The following NUP93 variants were observed in gnomAD, a reference collection of about 807,000 sequenced individuals.
NUP93 encodes nucleoporin 93.
Under a neutral mutation model 107.8 loss-of-function variants are expected in NUP93, and 55 were observed. The ratio of observed to expected loss-of-function variants is 0.51; its 90% CI spans 0.41 to 0.64. The LOEUF (loss-of-function observed/expected upper bound fraction) is 0.64, where lower values mean the gene tolerates loss of function less well. NUP93 is among the 30% of genes least tolerant of loss of function. The pLI, the probability that NUP93 is intolerant of heterozygous loss-of-function variation, is 0.00. For synonymous variants in NUP93, 390 were observed against 397.5 expected (o/e 0.98, Z 0.22); for missense variants, 937 against 1,044.7 (o/e 0.90, Z 1.42).
At chr16:56,797,893 T>C (rs1962935299) in intron 3 of NUP93, among the ~76,000 whole-genome samples, 1 of 152,210 alleles carries the variant, frequency 6.6e-6, no homozygotes, top group South Asian at 2.1e-4. Flanking sequence ...ACTAGACTTG[T>C]AGGCTGTCTT....
At chr16:56,740,105 C>T (rs1484668232) in intron 1 of NUP93, among the ~76,000 whole-genome samples, 33 of 97,468 alleles carry the variant, frequency 3.4e-4, no homozygotes, top group Middle Eastern at 5.9e-3. Context: ...CCGGACGGGG[C>T]GGCTGGCCAG....
chr16:56,818,404 A>C (rs1218578766), intron 5 of NUP93, among the ~76,000 whole-genome samples: 1 of 152,216 alleles, frequency 6.6e-6, no homozygotes, highest in African/African-American at 2.4e-5. Flanking sequence ...AGAAAAAGTC[A>C]TTGAGGTATT....
intron 2 of NUP93, among the ~76,000 whole-genome samples, chr16:56,752,908 C>G (rs1166486715): frequency 6.6e-6 from 1 of 152,124 alleles, no homozygotes; most frequent in African/African-American, 2.4e-5. Context: ...GTGAAAAGAA[C>G]AGTCTTTTCA....
chr16:56,783,822 T>C, intron 3 of NUP93: 15 of 985,406 alleles, frequency 1.5e-5, no homozygotes, highest in Non-Finnish European at 1.8e-5. Flanking sequence ...AAGAGTTCTT[T>C]AGGAAGGTGG....
chr16:56,806,380 C>T (rs1364365915), intron 5 of NUP93, among the ~76,000 whole-genome samples: 4 of 152,076 alleles, frequency 2.6e-5, no homozygotes, highest in African/African-American at 9.7e-5. Context: ...TCATCTCTTG[C>T]TTGGATTATT....
At chr16:56,778,175 G>A (rs1377290124) in intron 3 of NUP93, among the ~76,000 whole-genome samples, 2 of 152,204 alleles carry the variant, frequency 1.3e-5, no homozygotes, top group Non-Finnish European at 2.9e-5. Context: ...GGTTAATAAC[G>A]AATGAATTCT....
At chr16:56,840,279 C>G (rs1335408995) in intron 20 of NUP93, among the ~76,000 whole-genome samples, 1 of 152,202 alleles carries the variant, frequency 6.6e-6, no homozygotes, top group African/African-American at 2.4e-5. Context: ...CTCGGCCTCC[C>G]AAAATGCTGG....
intron 4 of NUP93, among the ~76,000 whole-genome samples, chr16:56,799,235 T>G (rs1962967620): frequency 6.6e-6 from 1 of 152,176 alleles, no homozygotes; most frequent in Non-Finnish European, 1.5e-5. Flanking sequence ...GTGGACCACC[T>G]TTTATATTAA....
At chr16:56,756,971 G>A (rs1962036221) in intron 2 of NUP93, among the ~76,000 whole-genome samples, 1 of 152,130 alleles carries the variant, frequency 6.6e-6, no homozygotes, top group Non-Finnish European at 1.5e-5. Context: ...CTCTTTTAGA[G>A]AGTTAACTTT....
intron 3 of NUP93, among the ~76,000 whole-genome samples, chr16:56,792,843 T>C (rs1248942223): frequency 6.6e-6 from 1 of 152,190 alleles, no homozygotes; most frequent in Non-Finnish European, 1.5e-5. Context: ...TTTTTTTTTA[T>C]TTTTGCTGTT....
chr16:56,815,767 C>G (rs553742910), intron 5 of NUP93, among the ~76,000 whole-genome samples: 7 of 152,130 alleles, frequency 4.6e-5, no homozygotes, highest in Non-Finnish European at 1.0e-4. Context: ...ATTACCACCC[C>G]CACTTTACAG....
At chr16:56,789,793 AT>A (rs1286832149) in intron 3 of NUP93, among the ~76,000 whole-genome samples, 23 of 152,230 alleles carry the variant, frequency 1.5e-4, no homozygotes, top group Non-Finnish European at 3.4e-4. Context: ...AAGTATTAAA[AT>A]TTTTGTAGAA....
At chr16:56,797,990 A>G (rs1197947977) in intron 3 of NUP93, among the ~76,000 whole-genome samples, 1 of 152,252 alleles carries the variant, frequency 6.6e-6, no homozygotes, top group Non-Finnish European at 1.5e-5. Flanking sequence ...AGAAATGTGT[A>G]AAGAAAGGAT....
intron 3 of NUP93, among the ~76,000 whole-genome samples, chr16:56,795,022 A>G (rs1174834785): frequency 6.6e-6 from 1 of 151,288 alleles, no homozygotes; most frequent in African/African-American, 2.4e-5. Context: ...AAGGAATATG[A>G]CAGAACACCA....
At chr16:56,732,529 G>C (rs1186124133) in intron 1 of NUP93, among the ~76,000 whole-genome samples, 4 of 152,226 alleles carry the variant, frequency 2.6e-5, no homozygotes, top group Admixed American at 2.6e-4. Flanking sequence ...CAGGTCATGG[G>C]ACTATCTGAG....
chr16:56,839,440 G>A (rs541229128), intron 19 of NUP93, 81 bp from the exon 20 acceptor site: 436 of 1,100,928 alleles, frequency 4.0e-4, no homozygotes, highest in Non-Finnish European at 5.3e-4. Flanking sequence ...TTTGGAGTAT[G>A]TGAGGTGCTG....
chr16:56,776,381 A>G (rs1043661967), intron 3 of NUP93, among the ~76,000 whole-genome samples: 4 of 152,224 alleles, frequency 2.6e-5, no homozygotes, highest in African/African-American at 9.6e-5. Context: ...TGCAAAAACT[A>G]TATAAAAATT....
chr16:56,830,042 T>G (rs937366674), intron 9 of NUP93, among the ~76,000 whole-genome samples: 1 of 152,226 alleles, frequency 6.6e-6, no homozygotes, highest in African/African-American at 2.4e-5. Context: ...AGATCCCCAG[T>G]GCCCAGCAGT....
At chr16:56,782,761 T>G (rs1253380993) in intron 3 of NUP93, 1 of 152,154 alleles carries the variant, frequency 6.6e-6, no homozygotes, top group African/African-American at 2.4e-5. Context: ...TATTAGAGAT[T>G]TTTTTGAACT....
Sources: allele counts gnomAD v4.1 joint callset (sites outside exome capture counted in the v4.1 genomes callset), GRCh38; gene constraint gnomAD v4.1.1; transcripts MANE v1.5; gene names NCBI Gene and HGNC (gene_info 2026-07-23, HGNC 2026-07-21).